Variants in P2RX4 observed in about 807,000 individuals in gnomAD.
P2RX4 encodes the protein purinergic receptor P2X 4.
In P2RX4, 37 loss-of-function variants were observed where a neutral mutation model predicts 48.0. That is an observed-to-expected ratio of 0.77 (90% CI 0.59 to 1.01). The LOEUF (loss-of-function observed/expected upper bound fraction) is 1.01. Ranked by LOEUF, P2RX4 falls within the 50% of genes least tolerant of loss-of-function variation. P2RX4 has a pLI of 0.00. For missense variants in P2RX4, 501 were observed against 521.4 expected, an observed-to-expected ratio of 0.96 and a Z score of 0.38; for synonymous variants, 200 against 199.7, an observed-to-expected ratio of 1.00 and a Z score of -0.01.
chr12:121,220,590 C>T (rs1158492464), intron 2 of P2RX4, among the ~76,000 whole-genome samples: 4 of 152,068 alleles, frequency 2.6e-5, no homozygotes, highest in Middle Eastern at 3.2e-3. Flanking sequence ...AAGCCAAGAT[C>T]GTGCCACTGC....
intron 8 of P2RX4, among the ~76,000 whole-genome samples, chr12:121,230,515 T>TG (rs75123464): frequency 0.041 from 6,181 of 152,348 alleles, 173 homozygotes; most frequent in South Asian, 0.12. Context: ...TCTGTAATTG[T>TG]GGGATCTGCT....
chr12:121,230,116 C>T (rs1320729817), intron 8 of P2RX4, among the ~76,000 whole-genome samples: 1 of 152,196 alleles, frequency 6.6e-6, no homozygotes, highest in Non-Finnish European at 1.5e-5. Flanking sequence ...AAAGGAAGCG[C>T]TCCAGGCCGG....
Position 121,232,868 on chromosome 12 carries a change from C to A in P2RX4, c.1045-129C>A. ...CACCCCCCTCAGGTCCCAGCCTTCT[C>A]CCAAGAGATGGGAGTGCCTTTCCAT... On this transcript the variant is annotated intron_variant, in intron 10 of 11. Coordinates refer to ENST00000337233, the MANE Select transcript of P2RX4 (RefSeq NM_002560.3). This position sits in a 1 kb window ranked among gnomAD's most constrained non-coding sequence, Gnocchi z 4.3. 1.1e-6 allele frequency: 1 copy of A among 882,118 alleles called. No homozygotes were observed. 54.6% of individuals were successfully genotyped at this position (882,118 alleles called of 1,614,324 possible). A position where few individuals can be genotyped will look rare whatever the true frequency, so the allele number is the denominator to read the frequency against.
At chr12:121,218,600 C>T (rs1359409319) in intron 2 of P2RX4, among the ~76,000 whole-genome samples, 12 of 152,142 alleles carry the variant, frequency 7.9e-5, no homozygotes. Context: ...AGCCTTGTCC[C>T]GGTGAGCTCT....
chr12:121,225,730 A>G (rs573365117), intron 5 of P2RX4, among the ~76,000 whole-genome samples: 2 of 152,176 alleles, frequency 1.3e-5, no homozygotes, highest in African/African-American at 4.8e-5. Flanking sequence ...TATTATGAAA[A>G]AAAGAATGTA....
At chr12:121,223,415 C>T (rs1459264943) in intron 5 of P2RX4, 3 of 311,286 alleles carry the variant, frequency 9.6e-6, no homozygotes, top group Non-Finnish European at 1.9e-5. Flanking sequence ...TTCAACTCTG[C>T]GTGTCAGCCT....
Position 121,232,408 on chromosome 12 carries a change from C to T in P2RX4, c.885-6C>T. 2 of 1,608,136 alleles carry T rather than the reference C, an allele frequency of 1.2e-6. No individual in the cohort carries two copies. Among genetic ancestry groups the T allele is most frequent in the Non-Finnish European group, 1.7e-6 (2 of 1,174,602 alleles). ...TCTCCCCCTGATCCATCCTCCTTCC[C>T]CTCAGGTTTGCCAAGTACTACAGAG... On this transcript the variant is annotated splice_polypyrimidine_tract_variant and splice_region_variant and intron_variant, in intron 8 of 11. Transcript: ENST00000337233. This position sits in a 1 kb window ranked among gnomAD's most constrained non-coding sequence, Gnocchi z 4.3.
chr12:121,213,762 T>C (rs1886041611), intron 1 of P2RX4: 1 of 152,256 alleles, frequency 6.6e-6, no homozygotes, highest in African/African-American at 2.4e-5. Context: ...GAGGTTTCCA[T>C]GTTGCCCAGG....
rs774484451 is a variant in P2RX4, at chr12:121,216,870, C to T, written c.135-264C>T. The T allele has an allele frequency of 4.6e-5, 31 of 680,700 alleles. No individual in the cohort carries two copies. The Middle Eastern group carries it at 9.0e-4, about 20-fold the overall frequency. The allele number at this position is 680,700 out of a possible 1,614,324, so 42.2% of individuals were successfully genotyped here. On this transcript the variant is annotated intron_variant, in intron 1 of 11. Coordinates refer to ENST00000337233, the MANE Select transcript of P2RX4 (RefSeq NM_002560.3). Reference sequence around the variant, plus strand: ...CAAATGTAATAAAGACAGTATTCATCGAGCGTTTTCTCTGTGCCATCAGTG... The same window carrying T: ...CAAATGTAATAAAGACAGTATTCATTGAGCGTTTTCTCTGTGCCATCAGTG...
intron 11 of P2RX4, 74 bp downstream of exon 11, chr12:121,233,166 T>A: frequency 3.8e-6 from 4 of 1,041,810 alleles, no homozygotes; most frequent in Non-Finnish European, 5.8e-6. Flanking sequence ...CGTGGGCCTG[T>A]CTGGGGAGGC....
chr12:121,222,475 T>G, intron 4 of P2RX4: 1 of 461,824 alleles, frequency 2.2e-6, no homozygotes, highest in Admixed American at 3.3e-5. Context: ...TGCAATGGCA[T>G]GATCTCGGCT....
At chr12:121,222,010 A>C (rs777865392) in intron 3 of P2RX4, 26 bp downstream of exon 3, 101 of 1,607,954 alleles carry the variant, frequency 6.3e-5, no homozygotes, top group Non-Finnish European at 8.6e-5. Context: ...GAAGAGCCCC[A>C]GGCCCCACAC....
intron 2 of P2RX4, among the ~76,000 whole-genome samples, chr12:121,221,303 C>T (rs1054783470): frequency 2.0e-5 from 3 of 151,930 alleles, no homozygotes; most frequent in African/African-American, 7.3e-5. Context: ...CAGGTGTGAG[C>T]CACCATGCCT....
intron 1 of P2RX4, chr12:121,214,864 A>T (rs1025673060): frequency 1.3e-5 from 2 of 152,114 alleles, no homozygotes; most frequent in East Asian, 1.9e-4. Context: ...AGCCCACTGC[A>T]ATCTCCACCT....
In P2RX4 at chr12:121,232,752, G is replaced by GCCCTAGA; in HGVS notation, c.1044+79_1044+85dup. The GCCCTAGA allele has an allele frequency of 2.4e-6, 3 of 1,241,836 alleles. No homozygotes were observed. The South Asian group carries it at 3.6e-5, about 15-fold the overall frequency. 76.9% of individuals were successfully genotyped at this position (1,241,836 alleles called of 1,614,324 possible). On this transcript the variant is annotated intron_variant, in intron 10 of 11. Transcript: ENST00000337233. This position sits in a 1 kb window ranked among gnomAD's most constrained non-coding sequence, Gnocchi z 4.3. ...GCTGGGGTCCTGGTCCTGGCCCTAGGCCCTAGACCTCAGATGTGTTTCTAA... is the reference window on the plus strand; with the variant it reads ...GCTGGGGTCCTGGTCCTGGCCCTAGGCCCTAGACCCTAGACCTCAGATGTGTTTCTAA...
At chr12:121,212,127 G>T (rs1453868714) in intron 1 of P2RX4, among the ~76,000 whole-genome samples, 1 of 152,204 alleles carries the variant, frequency 6.6e-6, no homozygotes, top group Non-Finnish European at 1.5e-5. Flanking sequence ...AAAAGTAACA[G>T]ATCCCCCCGT....
intron 2 of P2RX4, 85 bp from the exon 3 acceptor site, chr12:121,221,828 T>A: frequency 1.8e-6 from 2 of 1,120,152 alleles, no homozygotes; most frequent in Non-Finnish European, 2.7e-6. Flanking sequence ...AGTGTTTGAG[T>A]TGTCCTCTTC....
At chr12:121,217,104 G>A in intron 1 of P2RX4, 30 bp from the exon 2 acceptor site, 2 of 1,611,326 alleles carry the variant, frequency 1.2e-6, no homozygotes, top group Non-Finnish European at 1.7e-6. Flanking sequence ...AATCCTAATG[G>A]CAATTTAAGA....
chr12:121,233,407 CA>C, intron 11 of P2RX4, 115 bp from the exon 12 acceptor site: 1 of 1,129,088 alleles, frequency 8.9e-7, no homozygotes, highest in Non-Finnish European at 1.3e-6. Flanking sequence ...GGTTGGGTTC[CA>C]GGCCTGGGAC....
Sources: allele counts gnomAD v4.1 joint callset (sites outside exome capture counted in the v4.1 genomes callset), GRCh38; gene constraint gnomAD v4.1.1; non-coding constraint Gnocchi (gnomAD v3.1); transcripts MANE v1.5; gene names NCBI Gene and HGNC (gene_info 2026-07-23, HGNC 2026-07-21).